Variants in FGGY observed in about 807,000 individuals in gnomAD.
The protein encoded by FGGY is FGGY carbohydrate kinase domain containing.
In FGGY, 72 loss-of-function variants were observed where a neutral mutation model predicts 71.3. The ratio of observed to expected loss-of-function variants is 1.01; its 90% CI spans 0.84 to 1.23. The LOEUF (loss-of-function observed/expected upper bound fraction) is 1.23. Among genes scored for constraint, FGGY ranks in the 50% most tolerant of loss-of-function variants. The probability of loss-of-function intolerance (pLI) is 0.00; values close to 1 mark genes in which losing one functional copy is unlikely to be tolerated. For missense variants in FGGY, 668 were observed against 682.3 expected (o/e 0.98, Z 0.23); for synonymous variants, 251 against 250.3 (o/e 1.00, Z -0.02).
chr1:59,758,315 T>A (rs1425203629), intron 15 of FGGY, among the ~76,000 whole-genome samples: 1 of 152,250 alleles, frequency 6.6e-6, no homozygotes, highest in Non-Finnish European at 1.5e-5. Flanking sequence ...CAGTAGAATC[T>A]GCTCATTCTT....
chr1:59,731,494 C>T (rs2098028604), intron 14 of FGGY, among the ~76,000 whole-genome samples: 1 of 152,078 alleles, frequency 6.6e-6, no homozygotes, highest in Non-Finnish European at 1.5e-5. Flanking sequence ...TCTGAAGGAG[C>T]CCAGATTTTC....
chr1:59,515,968 T>A (rs906023357), intron 7 of FGGY, among the ~76,000 whole-genome samples: 1 of 152,224 alleles, frequency 6.6e-6, no homozygotes, highest in African/African-American at 2.4e-5. Flanking sequence ...CTTGGATTCT[T>A]TAAGGCCTGA....
At chr1:59,341,571 C>T (rs947480860) in intron 3 of FGGY, among the ~76,000 whole-genome samples, 1 of 152,150 alleles carries the variant, frequency 6.6e-6, no homozygotes, top group African/African-American at 2.4e-5. Context: ...GTTCCAAGCC[C>T]TGTCTTAGCA....
intron 7 of FGGY, among the ~76,000 whole-genome samples, chr1:59,544,752 G>C (rs933988443): frequency 2.6e-5 from 4 of 152,222 alleles, no homozygotes; most frequent in African/African-American, 7.2e-5. Context: ...ACAGGAAACT[G>C]GTGGTGAGAA....
At chr1:59,529,078 C>T (rs1417230940) in intron 7 of FGGY, among the ~76,000 whole-genome samples, 1 of 152,118 alleles carries the variant, frequency 6.6e-6, no homozygotes, top group Non-Finnish European at 1.5e-5. Flanking sequence ...TCTCTTAGCT[C>T]AGTAAATGAA....
chr1:59,647,690 T>C (rs1277852536), intron 11 of FGGY, among the ~76,000 whole-genome samples: 1 of 151,312 alleles, frequency 6.6e-6, no homozygotes, highest in Non-Finnish European at 1.5e-5. Flanking sequence ...GTGATCCTTC[T>C]CAGCTTTCAG....
intron 14 of FGGY, among the ~76,000 whole-genome samples, chr1:59,714,576 T>C (rs1036253968): frequency 1.3e-5 from 2 of 152,202 alleles, no homozygotes; most frequent in African/African-American, 4.8e-5. Context: ...GAATTAAATA[T>C]AAAACAAACA....
chr1:59,297,235 C>T (rs775047842), intron 1 of FGGY, 85 bp downstream of exon 1: 3 of 152,492 alleles, frequency 2.0e-5, no homozygotes, highest in Non-Finnish European at 4.4e-5. Flanking sequence ...GTGTCTGGAA[C>T]CCGTGCTGCT....
At chr1:59,344,674 A>G (rs2051437257) in intron 3 of FGGY, among the ~76,000 whole-genome samples, 1 of 152,192 alleles carries the variant, frequency 6.6e-6, no homozygotes, top group Admixed American at 6.6e-5. Flanking sequence ...GTATTTGCGT[A>G]TAACCTATGT....
At chr1:59,588,555 C>G (rs1359146232) in intron 8 of FGGY, among the ~76,000 whole-genome samples, 1 of 152,096 alleles carries the variant, frequency 6.6e-6, no homozygotes, top group African/African-American at 2.4e-5. Flanking sequence ...GCGGGTTACC[C>G]ACAAAGGGAA....
rs571330899 is a variant in FGGY, at chr1:59,521,071, G to A, written c.799+8632G>A. Among the ~76,000 whole-genome samples, 8 of 152,084 alleles carry A rather than the reference G, an allele frequency of 5.3e-5. No homozygotes were observed. The Middle Eastern group carries it at 0.01, about 194-fold the overall frequency. ...TTAGAAATGCAGATAAAGTCATGCC[G>A]TGGAATCTGGAAGGAGAAAACCGTG... On this transcript the variant is annotated intron_variant, in intron 7 of 15. Coordinates refer to ENST00000303721, the MANE Select transcript of FGGY (RefSeq NM_018291.5).
At chr1:59,539,756 G>A (rs2095410965) in intron 7 of FGGY, among the ~76,000 whole-genome samples, 1 of 152,126 alleles carries the variant, frequency 6.6e-6, no homozygotes, top group Admixed American at 6.5e-5. Context: ...ATAAGACTAT[G>A]TTAAAATAAG....
chr1:59,551,079 G>T (rs1384681533), intron 7 of FGGY, among the ~76,000 whole-genome samples: 2 of 152,156 alleles, frequency 1.3e-5, no homozygotes, highest in Non-Finnish European at 2.9e-5. Context: ...CTTGAGAGGG[G>T]GTTCAGATGA....
At chr1:59,597,701 A>T (rs1303903124) in intron 8 of FGGY, among the ~76,000 whole-genome samples, 2 of 152,028 alleles carry the variant, frequency 1.3e-5, no homozygotes, top group East Asian at 3.9e-4. Flanking sequence ...TATTTGTCCC[A>T]TTTTTCAGAT....
intron 7 of FGGY, among the ~76,000 whole-genome samples, chr1:59,537,218 T>G (rs979940048): frequency 2.1e-4 from 32 of 151,462 alleles, no homozygotes; most frequent in African/African-American, 5.1e-4. Flanking sequence ...CAAACAGAGA[T>G]CCAAATCATG....
At position 59,370,181 on chromosome 1, in the gene FGGY, A is replaced by G. The variant is rs553601502; in HGVS notation, c.466-8568A>G. On this transcript the variant is annotated intron_variant, in intron 4 of 15. Transcript: ENST00000303721. ...AAAACTTTGAAAAAAATCTAGATGA[A>G]TGTATAACTAGAATAACCAATACAG... Among the ~76,000 whole-genome samples, 15 of 152,306 alleles carry G rather than the reference A, an allele frequency of 9.8e-5. 1 individual carries two copies. The South Asian group carries it at 2.1e-3, about 21-fold the overall frequency.
At chr1:59,401,768 T>G (rs938644440) in intron 5 of FGGY, among the ~76,000 whole-genome samples, 1 of 152,140 alleles carries the variant, frequency 6.6e-6, no homozygotes, top group Admixed American at 6.5e-5. Context: ...TAGAGATAAA[T>G]AATCAAGTCA....
At chr1:59,443,072 A>G (rs2070340946) in intron 5 of FGGY, among the ~76,000 whole-genome samples, 1 of 152,208 alleles carries the variant, frequency 6.6e-6, no homozygotes, top group Non-Finnish European at 1.5e-5. Flanking sequence ...CTCATAAAAG[A>G]TAAAGAATAT....
chr1:59,457,628 A>G (rs899669820), intron 6 of FGGY, among the ~76,000 whole-genome samples: 6 of 152,082 alleles, frequency 3.9e-5, no homozygotes, highest in Non-Finnish European at 8.8e-5. Context: ...AGGGGGAAAA[A>G]AAAATGGGCT....
Sources: allele counts gnomAD v4.1 joint callset (sites outside exome capture counted in the v4.1 genomes callset), GRCh38; gene constraint gnomAD v4.1.1; transcripts MANE v1.5; gene names NCBI Gene and HGNC (gene_info 2026-07-23, HGNC 2026-07-21).